ALDH18A1: variants seen among roughly 807,000 people sequenced by gnomAD.
ALDH18A1 encodes delta-1-pyrroline-5-carboxylate synthase.
In ALDH18A1, 44 loss-of-function variants were observed where a neutral mutation model predicts 88.8. The ratio of observed to expected loss-of-function variants is 0.50; its 90% CI spans 0.39 to 0.64. The LOEUF (loss-of-function observed/expected upper bound fraction) is 0.64. Ranked by LOEUF, ALDH18A1 falls within the 30% of genes least tolerant of loss-of-function variation. ALDH18A1 has a pLI of 0.00. For missense variants in ALDH18A1, 782 were observed against 1,009.5 expected (o/e 0.77, Z 3.05); for synonymous variants, 331 against 372.1 (o/e 0.89, Z 1.27).
chr10:95,633,791 A>C, intron 5 of ALDH18A1, 142 bp from the exon 6 acceptor site: 1 of 636,200 alleles, frequency 1.6e-6, no homozygotes, highest in Non-Finnish European at 2.7e-6. Context: ...TGAAATACAC[A>C]TATCTGGGTG....
intron 2 of ALDH18A1, among the ~76,000 whole-genome samples, chr10:95,646,860 G>A (rs932867471): frequency 3.3e-5 from 5 of 151,998 alleles, no homozygotes; most frequent in African/African-American, 4.8e-5. Context: ...TAAGGGCCAC[G>A]GATTATACTC....
chr10:95,612,620 T>A (rs2097837210), intron 15 of ALDH18A1, among the ~76,000 whole-genome samples: 1 of 152,244 alleles, frequency 6.6e-6, no homozygotes. Flanking sequence ...AAGTGCTGTA[T>A]GAAGTACACA....
Position 95,633,537 on chromosome 10 carries a change from G to C in ALDH18A1, c.671C>G (p.Ala224Gly). The change falls in exon 6 of 18, where the codon GCT becomes GGT. Residue 224 changes from alanine to glycine, a missense_variant. Coordinates refer to ENST00000371224, the MANE Select transcript of ALDH18A1 (RefSeq NM_002860.4). ...GTTGGGCTCAGCTGGGGGGACAACAGCATCATTTGTGTTGACAATGGGGAC... is the reference window on the plus strand; with the variant it reads ...GTTGGGCTCAGCTGGGGGGACAACACCATCATTTGTGTTGACAATGGGGAC... Reference protein sequence around the residue: ...NIVPIVNTNDAVVPPAEPNSD... With the variant: ...NIVPIVNTNDGVVPPAEPNSD... The C allele has an allele frequency of 6.2e-7, 1 of 1,614,174 alleles. No individual in the cohort carries two copies. Among genetic ancestry groups the C allele is most frequent in the East Asian group, 2.2e-5 (1 of 44,884 alleles).
chr10:95,624,004 A>G (rs1261536105), intron 11 of ALDH18A1, among the ~76,000 whole-genome samples: 1 of 152,064 alleles, frequency 6.6e-6, no homozygotes, highest in African/African-American at 2.4e-5. Context: ...CCCAGCAGTA[A>G]TTTTTGTATT....
intron 10 of ALDH18A1, among the ~76,000 whole-genome samples, chr10:95,626,259 C>G (rs946173553): frequency 3.3e-5 from 5 of 152,268 alleles, no homozygotes; most frequent in Middle Eastern, 3.4e-3. Context: ...CTCCTCACCA[C>G]TTCCAGCCTC....
chr10:95,632,560 C>G (rs1443841373), intron 7 of ALDH18A1, among the ~76,000 whole-genome samples: 2 of 152,146 alleles, frequency 1.3e-5, no homozygotes, highest in Admixed American at 1.3e-4. Flanking sequence ...AACAGGGACT[C>G]ACTATATTAC....
intron 12 of ALDH18A1, among the ~76,000 whole-genome samples, chr10:95,619,292 C>T (rs2097848547): frequency 6.6e-6 from 1 of 152,088 alleles, no homozygotes; most frequent in Admixed American, 6.5e-5. Context: ...TAAAAGAGGA[C>T]ACAAACAAAT....
chr10:95,613,623 C>T (rs1312395447), intron 15 of ALDH18A1, 119 bp downstream of exon 15: 3 of 1,355,544 alleles, frequency 2.2e-6, no homozygotes, highest in Non-Finnish European at 3.1e-6. Flanking sequence ...GAACTTTGTA[C>T]ACAGAAGATA....
intron 2 of ALDH18A1, among the ~76,000 whole-genome samples, chr10:95,650,126 G>C (rs1009225025): frequency 2.6e-5 from 4 of 151,900 alleles, no homozygotes; most frequent in South Asian, 2.1e-4. Flanking sequence ...TCGAACTTTC[G>C]GGAAAAAAAC....
At chr10:95,649,153 C>T (rs2097905910) in intron 2 of ALDH18A1, among the ~76,000 whole-genome samples, 1 of 152,166 alleles carries the variant, frequency 6.6e-6, no homozygotes, top group Non-Finnish European at 1.5e-5. Context: ...GATGCTGGAA[C>T]AACTAGTATT....
chr10:95,652,199 G>A (rs1401093726), intron 2 of ALDH18A1, among the ~76,000 whole-genome samples: 2 of 152,188 alleles, frequency 1.3e-5, no homozygotes, highest in African/African-American at 2.4e-5. Flanking sequence ...CCAGATTAAT[G>A]TTGGCCAGGG....
chr10:95,646,079 G>A (rs1041913002), intron 2 of ALDH18A1, among the ~76,000 whole-genome samples: 4 of 152,190 alleles, frequency 2.6e-5, no homozygotes, highest in Non-Finnish European at 4.4e-5. Context: ...ATCAGTGGCT[G>A]TTTGCAGAGC....
Position 95,628,449 on chromosome 10 carries a change from A to C in ALDH18A1, c.852T>G (p.Ile284Met). The C allele has an allele frequency of 6.2e-7, 1 of 1,614,096 alleles. No homozygotes were observed. Among genetic ancestry groups the C allele is most frequent in the Non-Finnish European group, 8.5e-7 (1 of 1,179,990 alleles). The change falls in exon 8 of 18, where the codon ATT (isoleucine) becomes ATG (methionine). Residue 284 changes from isoleucine to methionine, a missense_variant. By Grantham distance (10) the Ile-to-Met change is conservative. This residue lies in a region of ALDH18A1 where 556 missense variants were observed against 654.5 expected (regional missense o/e 0.85). Coordinates refer to ENST00000371224, the MANE Select transcript of ALDH18A1 (RefSeq NM_002860.4). ...GCTGATCTCCGGGATAAAATATATC[A>C]ATAAGCTTTGCATCATCTGAACCTG... ...SPPGSDDAKL[I>M]DIFYPGDQQS... is the part of the protein sequence containing the mutation.
At chr10:95,621,279 A>C in intron 11 of ALDH18A1, 28 bp from the exon 12 acceptor site, 9 of 1,590,346 alleles carry the variant, frequency 5.7e-6, no homozygotes, top group Non-Finnish European at 7.7e-6. Flanking sequence ...GGATATGATA[A>C]AGTAGCAGAC....
intron 11 of ALDH18A1, among the ~76,000 whole-genome samples, chr10:95,623,694 T>C (rs1300491581): frequency 6.6e-6 from 1 of 152,106 alleles, no homozygotes; most frequent in African/African-American, 2.4e-5. Context: ...GCCTCCTGAG[T>C]AGCTAGGATT....
At chr10:95,627,415 C>T (rs1346055379) in intron 9 of ALDH18A1, 27 bp downstream of exon 9, 3 of 1,613,898 alleles carry the variant, frequency 1.9e-6, no homozygotes, top group Non-Finnish European at 2.5e-6. Context: ...CATCACAGGC[C>T]TTGGGACCTT....
chr10:95,609,495 G>A (rs898817418), intron 17 of ALDH18A1, among the ~76,000 whole-genome samples: 7 of 152,208 alleles, frequency 4.6e-5, no homozygotes, highest in Non-Finnish European at 8.8e-5. Flanking sequence ...TACCTCTGGC[G>A]CAGCCTGTGT....
intron 5 of ALDH18A1, among the ~76,000 whole-genome samples, chr10:95,636,536 G>T (rs1477742103): frequency 6.6e-6 from 1 of 152,188 alleles, no homozygotes; most frequent in Non-Finnish European, 1.5e-5. Context: ...AATCATGTCT[G>T]ATTTGTTCAC....
Position 95,613,784 on chromosome 10 carries a change from T to C in ALDH18A1, c.1881A>G (p.Thr627=), listed in dbSNP as rs1309208061. Reference sequence around the variant, plus strand: ...TATCAATGATCTGGTCAAATAATGGTGTCCTGAGCAGATCCCGGTGGATTA... The same window carrying C: ...TATCAATGATCTGGTCAAATAATGGCGTCCTGAGCAGATCCCGGTGGATTA... ...TLLIHRDLLR[T]PLFDQIIDML... The change falls in exon 15 of 18, where the codon ACA becomes ACG. Residue 627 remains threonine (T), a synonymous_variant. Coordinates refer to ENST00000371224, the MANE Select transcript of ALDH18A1 (RefSeq NM_002860.4). 6.2e-7 allele frequency: 1 copy of C among 1,614,034 alleles called. No individual in the cohort carries two copies. Among genetic ancestry groups the C allele is most frequent in the East Asian group, 2.2e-5 (1 of 44,902 alleles).
Sources: gnomAD v4.1 joint callset for allele counts (sites outside exome capture counted in the v4.1 genomes callset) on GRCh38, gnomAD v4.1.1 for gene constraint, gnomAD v4.1.1 regional missense constraint, MANE v1.5 for transcripts, NCBI Gene and HGNC (gene_info 2026-07-23, HGNC 2026-07-21) for gene names.